The following LRRC4C variants were observed in gnomAD, a reference collection of about 807,000 sequenced individuals.
LRRC4C encodes the protein leucine rich repeat containing 4C, also known as leucine-rich repeat-containing protein 4C.
Under a neutral mutation model 33.6 loss-of-function variants are expected in LRRC4C, and 5 were observed. The observed-to-expected ratio is 0.15, with a 90% CI of 0.08 to 0.31. The LOEUF (loss-of-function observed/expected upper bound fraction) is 0.31, where lower values mean the gene tolerates loss of function less well. Among genes scored for constraint, LRRC4C ranks in the 10% least tolerant of loss-of-function variants. LRRC4C has a pLI of 1.00. For synonymous variants in LRRC4C, 329 were observed against 302.0 expected, an observed-to-expected ratio of 1.09 and a Z score of -0.93; for missense variants, 560 against 796.7, an observed-to-expected ratio of 0.70 and a Z score of 3.58.
intron 1 of LRRC4C, among the ~76,000 whole-genome samples, chr11:41,393,832 T>C (rs1953698727): frequency 6.6e-6 from 1 of 152,018 alleles, no homozygotes; most frequent in African/African-American, 2.4e-5. Flanking sequence ...ATGCTTTCAA[T>C]AGTATTAGTG....
chr11:40,509,894 T>C (rs546069186), intron 3 of LRRC4C, among the ~76,000 whole-genome samples: 29 of 152,266 alleles, frequency 1.9e-4, no homozygotes, highest in African/African-American at 6.7e-4. Context: ...CAGGTTGCTA[T>C]TGGCTCCTAA....
intron 1 of LRRC4C, among the ~76,000 whole-genome samples, chr11:40,987,675 GATATAT>G (rs200421544): frequency 0.13 from 8,853 of 65,612 alleles, 848 homozygotes; most frequent in South Asian, 0.18. Context: ...AGATATAAAT[GATATAT>G]ATATATATAT....
intron 2 of LRRC4C, among the ~76,000 whole-genome samples, chr11:40,665,916 T>G (rs980622858): frequency 2.0e-5 from 3 of 152,108 alleles, no homozygotes; most frequent in African/African-American, 7.2e-5. Context: ...AAATGTTATT[T>G]ATGTATATAC....
intron 3 of LRRC4C, among the ~76,000 whole-genome samples, chr11:40,405,631 T>A (rs573996557): frequency 3.0e-4 from 41 of 138,644 alleles, no homozygotes; most frequent in African/African-American, 8.3e-4. Context: ...AAAAAAGGAA[T>A]GTACATTGTT....
chr11:40,811,954 G>T (rs1951510569), intron 2 of LRRC4C, among the ~76,000 whole-genome samples: 1 of 152,190 alleles, frequency 6.6e-6, no homozygotes, highest in African/African-American at 2.4e-5. Flanking sequence ...GAAATCAATG[G>T]CCCTTTCAGA....
chr11:40,385,138 A>T (rs969594465), intron 3 of LRRC4C, among the ~76,000 whole-genome samples: 2 of 152,104 alleles, frequency 1.3e-5, no homozygotes, highest in African/African-American at 2.4e-5. Context: ...ATCCACAGAG[A>T]CAGGTTTCTA....
intron 3 of LRRC4C, among the ~76,000 whole-genome samples, chr11:40,495,741 C>G (rs976427739): frequency 8.2e-5 from 12 of 146,888 alleles, no homozygotes; most frequent in African/African-American, 2.8e-4. Flanking sequence ...AACTCACTAT[C>G]CACTAATGGA....
intron 1 of LRRC4C, among the ~76,000 whole-genome samples, chr11:41,228,862 A>G (rs1947658465): frequency 6.6e-6 from 1 of 152,102 alleles, no homozygotes; most frequent in African/African-American, 2.4e-5. Flanking sequence ...TTTGCTCACA[A>G]AATCTTACAG....
At chr11:40,274,527 T>G (rs546673083) in intron 4 of LRRC4C, among the ~76,000 whole-genome samples, 3 of 148,040 alleles carry the variant, frequency 2.0e-5, no homozygotes, top group African/African-American at 7.5e-5. Flanking sequence ...ATAAATACAT[T>G]TGATAAGCAT....
intron 1 of LRRC4C, among the ~76,000 whole-genome samples, chr11:41,448,683 G>A (rs1025152482): frequency 6.6e-6 from 1 of 152,064 alleles, no homozygotes. Context: ...GTGAAGAAAG[G>A]TATTATACAT....
At chr11:41,065,058 C>A (rs187457832) in intron 1 of LRRC4C, among the ~76,000 whole-genome samples, 1 of 152,054 alleles carries the variant, frequency 6.6e-6, no homozygotes, top group Non-Finnish European at 1.5e-5. Context: ...GACAGGAGAA[C>A]GGTAGACTCC....
At chr11:41,284,645 T>C (rs1239698099) in intron 1 of LRRC4C, among the ~76,000 whole-genome samples, 1 of 152,198 alleles carries the variant, frequency 6.6e-6, no homozygotes, top group South Asian at 2.1e-4. Context: ...CAGCTGCATT[T>C]TTATTCTGTG....
chr11:41,315,952 G>A (rs956452990), intron 1 of LRRC4C, among the ~76,000 whole-genome samples: 7 of 152,058 alleles, frequency 4.6e-5, no homozygotes, highest in African/African-American at 1.4e-4. Flanking sequence ...TAATACAAAC[G>A]TTAATTTGCT....
At chr11:41,115,116 T>G (rs967083684) in intron 1 of LRRC4C, among the ~76,000 whole-genome samples, 1 of 152,130 alleles carries the variant, frequency 6.6e-6, no homozygotes, top group Non-Finnish European at 1.5e-5. Context: ...ACATTAAAAA[T>G]GTTTTAAATC....
rs114096455 is a variant in LRRC4C, at chr11:40,955,345, G to A, written c.-495-21622C>T. ...TTAATGTCTCTGTATTCTATAGGAG[G>A]AAGTATAAAAGGTGATCAAAATTTT... On this transcript the variant is annotated intron_variant, in intron 1 of 6. Transcript: ENST00000528697. 5.7e-3 allele frequency among the ~76,000 whole-genome samples: 859 copies of A among 151,722 alleles called. 12 individuals are homozygous for A. Among genetic ancestry groups the A allele is most frequent in the African/African-American group, 0.019 (798 of 41,436 alleles).
At chr11:40,394,598 T>A (rs1457259293) in intron 3 of LRRC4C, among the ~76,000 whole-genome samples, 1 of 152,136 alleles carries the variant, frequency 6.6e-6, no homozygotes, top group East Asian at 1.9e-4. Context: ...ATCCCCTTGA[T>A]CCATCATAAA....
intron 1 of LRRC4C, among the ~76,000 whole-genome samples, chr11:41,172,475 C>T (rs1590831737): frequency 6.6e-6 from 1 of 152,284 alleles, no homozygotes; most frequent in South Asian, 2.1e-4. Flanking sequence ...AAGGTCACTT[C>T]TCCAAAGAGT....
At chr11:40,546,818 G>GA (rs2135420715) in intron 3 of LRRC4C, among the ~76,000 whole-genome samples, 1 of 152,136 alleles carries the variant, frequency 6.6e-6, no homozygotes, top group Non-Finnish European at 1.5e-5. Flanking sequence ...TTTAAAGATG[G>GA]AAAAAACAGA....
At chr11:40,127,143 G>C (rs1856305003) in intron 6 of LRRC4C, among the ~76,000 whole-genome samples, 1 of 151,960 alleles carries the variant, frequency 6.6e-6, no homozygotes, top group Non-Finnish European at 1.5e-5. Flanking sequence ...TGGGCATGGT[G>C]GTGGGCACCT....
Sources: gnomAD v4.1 joint callset for allele counts (sites outside exome capture counted in the v4.1 genomes callset) on GRCh38, gnomAD v4.1.1 for gene constraint, MANE v1.5 for transcripts, NCBI Gene and HGNC (gene_info 2026-07-23, HGNC 2026-07-21) for gene names.